Variants in RASA1 observed in about 807,000 individuals in gnomAD.
RASA1 encodes the protein ras GTPase-activating protein 1.
Under a neutral mutation model 132.2 loss-of-function variants are expected in RASA1, and 25 were observed. The observed-to-expected ratio is 0.19, with a 90% CI of 0.14 to 0.26. The LOEUF (loss-of-function observed/expected upper bound fraction) is 0.26, where lower values mean the gene tolerates loss of function less well. Among genes scored for constraint, RASA1 ranks in the 10% least tolerant of loss-of-function variants. The pLI, the probability that RASA1 is intolerant of heterozygous loss-of-function variation, is 1.00. For synonymous variants in RASA1, 477 were observed against 449.9 expected (o/e 1.06, Z -0.76); for missense variants, 964 against 1,299.2 (o/e 0.74, Z 3.97).
chr5:87,342,314 A>G (rs1758532877), intron 6 of RASA1, among the ~76,000 whole-genome samples: 1 of 151,932 alleles, frequency 6.6e-6, no homozygotes, highest in Non-Finnish European at 1.5e-5. Context: ...GCACAACACC[A>G]TGCTAGGCTG....
intron 6 of RASA1, among the ~76,000 whole-genome samples, chr5:87,345,875 C>T (rs1171617094): frequency 6.6e-6 from 1 of 152,006 alleles, no homozygotes; most frequent in East Asian, 1.9e-4. Flanking sequence ...GTCAGCCTGG[C>T]ATTAAGATGT....
chr5:87,269,713 A>AT (rs1421397299), intron 1 of RASA1, among the ~76,000 whole-genome samples: 2 of 152,178 alleles, frequency 1.3e-5, no homozygotes, highest in African/African-American at 2.4e-5. Context: ...TCCCTTAAAC[A>AT]TTTTTTGTTG....
At chr5:87,313,292 T>TGGA (rs1756060038) in intron 1 of RASA1, among the ~76,000 whole-genome samples, 1 of 152,142 alleles carries the variant, frequency 6.6e-6, no homozygotes, top group African/African-American at 2.4e-5. Context: ...TGGCTCTCCC[T>TGGA]GGAGGTATAG....
At position 87,290,641 on chromosome 5, in the gene RASA1, G is replaced by A. The variant is rs187898964; in HGVS notation, c.539+21651G>A. On this transcript the variant is annotated intron_variant, in intron 1 of 24. Transcript: ENST00000274376. ...CCTAAAAATCCTGTTTATTTTGTCT[G>A]TTCATTCTTCCTTCCCCCTTAGCCC... 5.3e-5 allele frequency among the ~76,000 whole-genome samples: 8 copies of A among 152,204 alleles called. 1 individual carries two copies. Among genetic ancestry groups the A allele is most frequent in the African/African-American group, 1.9e-4 (8 of 41,528 alleles).
intron 1 of RASA1, among the ~76,000 whole-genome samples, chr5:87,304,511 AG>A (rs1333197456): frequency 6.7e-6 from 1 of 148,374 alleles, no homozygotes; most frequent in African/African-American, 2.5e-5. Context: ...TCTGTTGCCC[AG>A]GCCGGAGTAC....
chr5:87,288,176 A>C (rs2112262808), intron 1 of RASA1, among the ~76,000 whole-genome samples: 1 of 146,314 alleles, frequency 6.8e-6, no homozygotes, highest in Admixed American at 6.8e-5. Context: ...TACACACCAT[A>C]TATATATATA....
chr5:87,378,326 C>T (rs1580390290), intron 17 of RASA1, 70 bp from the exon 18 acceptor site: 2 of 1,551,746 alleles, frequency 1.3e-6, no homozygotes, highest in East Asian at 2.3e-5. Flanking sequence ...AATGAATTCA[C>T]TTAATTTCCA....
chr5:87,326,553 A>C (rs1026381844), intron 1 of RASA1, among the ~76,000 whole-genome samples: 2 of 152,152 alleles, frequency 1.3e-5, no homozygotes, highest in African/African-American at 4.8e-5. Context: ...AGAGAGGCAA[A>C]GAAGAAGAGA....
chr5:87,371,985 G>A (rs1211499173), intron 12 of RASA1, 133 bp from the exon 13 acceptor site: 4 of 650,968 alleles, frequency 6.1e-6, no homozygotes, highest in East Asian at 2.7e-5. Flanking sequence ...ATGAAGTACA[G>A]TATAGTCTGA....
chr5:87,304,542 A>C (rs1755521115), intron 1 of RASA1, among the ~76,000 whole-genome samples: 1 of 149,558 alleles, frequency 6.7e-6, no homozygotes, highest in African/African-American at 2.5e-5. Flanking sequence ...ATCTCGGCTC[A>C]CTGCAACCTC....
At chr5:87,350,078 ACAG>A (rs1483202183) in intron 8 of RASA1, among the ~76,000 whole-genome samples, 7 of 151,882 alleles carry the variant, frequency 4.6e-5, no homozygotes, top group Non-Finnish European at 1.0e-4. Flanking sequence ...CCTCAGTACC[ACAG>A]CAGTATTCTC....
chr5:87,271,500 G>C (rs1311666788), intron 1 of RASA1, among the ~76,000 whole-genome samples: 5 of 103,386 alleles, frequency 4.8e-5, no homozygotes, highest in Non-Finnish European at 8.9e-5. Flanking sequence ...ATGGAGTTTC[G>C]CTGTTTCGCC....
At chr5:87,330,348 T>A (rs748000488) in intron 1 of RASA1, among the ~76,000 whole-genome samples, 1 of 152,226 alleles carries the variant, frequency 6.6e-6, no homozygotes, top group Middle Eastern at 3.4e-3. Context: ...ATTACACATA[T>A]AAGATTACAA....
intron 1 of RASA1, among the ~76,000 whole-genome samples, chr5:87,327,517 G>A (rs546573592): frequency 1.3e-5 from 2 of 152,308 alleles, no homozygotes; most frequent in Admixed American, 1.3e-4. Context: ...GTTTAGGGTG[G>A]CATTGCCATA....
intron 20 of RASA1, among the ~76,000 whole-genome samples, chr5:87,381,514 TAC>T (rs1475819674): frequency 2.0e-5 from 3 of 152,230 alleles, no homozygotes; most frequent in Non-Finnish European, 2.9e-5. Flanking sequence ...ACACCATTAT[TAC>T]ACAGTTTGTT....
Position 87,290,858 on chromosome 5 carries a change from C to T in RASA1, c.539+21868C>T, listed in dbSNP as rs1036454069. ...TTTGTCTGAATGCACCATAATTTAT[C>T]CAGTCAGCTAGTGGTGGTTTGTGGA... On this transcript the variant is annotated intron_variant, in intron 1 of 24. Transcript: ENST00000274376. Among the ~76,000 whole-genome samples the T allele has an allele frequency of 5.9e-5, 9 of 152,092 alleles. 1 individual carries two copies. Among genetic ancestry groups the T allele is most frequent in the Admixed American group, 5.2e-4 (8 of 15,270 alleles).
intron 4 of RASA1, among the ~76,000 whole-genome samples, chr5:87,336,560 A>AT (rs1364960274): frequency 6.6e-6 from 1 of 152,114 alleles, no homozygotes; most frequent in Non-Finnish European, 1.5e-5. Flanking sequence ...ATAATATAGA[A>AT]TGAGTTATGA....
chr5:87,271,552 T>C (rs1305781701), intron 1 of RASA1, among the ~76,000 whole-genome samples: 1 of 135,470 alleles, frequency 7.4e-6, no homozygotes, highest in South Asian at 2.6e-4. Flanking sequence ...CACTGCAAGC[T>C]CCGCCCCGCC....
rs1199122103 is a variant in RASA1 at position 87,390,927 on chromosome 5, A to AT, written c.*45dup. The AT allele has an allele frequency of 6.5e-7, 1 of 1,537,894 alleles. No homozygotes were observed. Among genetic ancestry groups the AT allele is most frequent in the Admixed American group, 1.7e-5 (1 of 59,836 alleles). On this transcript the variant is annotated 3_prime_UTR_variant, in exon 25 of 25. Transcript: ENST00000274376. The stretch of plus-strand genomic sequence containing the variant: ...TCTGCATGGATTCAGCATGTCCAAC[A>AT]TGGTAATTCACTTCAGTTTAATGTC...
Sources: allele counts gnomAD v4.1 joint callset (sites outside exome capture counted in the v4.1 genomes callset), GRCh38; gene constraint gnomAD v4.1.1; transcripts MANE v1.5; gene names NCBI Gene and HGNC (gene_info 2026-07-23, HGNC 2026-07-21).